CDH13: variants seen among roughly 807,000 people sequenced by gnomAD.
CDH13 encodes the protein cadherin-13.
Under a neutral mutation model 63.8 loss-of-function variants are expected in CDH13, and 24 were observed. That is an observed-to-expected ratio of 0.38 (90% CI 0.27 to 0.53). The LOEUF is 0.53. CDH13 is among the 20% of genes least tolerant of loss of function. CDH13 has a pLI of 0.85. For synonymous variants in CDH13, 503 were observed against 355.3 expected, an observed-to-expected ratio of 1.42 and a Z score of -4.67; for missense variants, 1,049 against 903.1, an observed-to-expected ratio of 1.16 and a Z score of -2.07.
chr16:83,695,732 T>C (rs187895213), intron 10 of CDH13, among the ~76,000 whole-genome samples: 56 of 152,268 alleles, frequency 3.7e-4, no homozygotes, highest in Admixed American at 3.1e-3. Context: ...AGTAACTAAA[T>C]AGAAAGTCTA....
At chr16:83,429,379 C>T (rs2072018719) in intron 6 of CDH13, among the ~76,000 whole-genome samples, 1 of 152,058 alleles carries the variant, frequency 6.6e-6, no homozygotes, top group South Asian at 2.1e-4. Context: ...CTTTGATGAC[C>T]CATCTTTAAG....
intron 3 of CDH13, among the ~76,000 whole-genome samples, chr16:83,046,325 G>T (rs1339327634): frequency 6.6e-6 from 1 of 152,072 alleles, no homozygotes; most frequent in Non-Finnish European, 1.5e-5. Context: ...AACAAATATT[G>T]TATGTAGGCG....
intron 8 of CDH13, among the ~76,000 whole-genome samples, chr16:83,619,839 T>C (rs1909642150): frequency 6.6e-6 from 1 of 152,168 alleles, no homozygotes; most frequent in African/African-American, 2.4e-5. Flanking sequence ...AGTGTATCCT[T>C]AGGGGGAGAC....
intron 9 of CDH13, among the ~76,000 whole-genome samples, chr16:83,676,706 G>A (rs1008191638): frequency 1.3e-5 from 2 of 152,238 alleles, no homozygotes; most frequent in Non-Finnish European, 2.9e-5. Context: ...TGTTCTAGGT[G>A]AAGAGAGGAA....
chr16:83,024,266 C>G (rs1023188276), intron 2 of CDH13, among the ~76,000 whole-genome samples: 1 of 152,002 alleles, frequency 6.6e-6, no homozygotes, highest in African/African-American at 2.4e-5. Context: ...GAATTTGGCT[C>G]TTTAGATTTA....
At chr16:82,649,702 G>C (rs1171616064) in intron 1 of CDH13, among the ~76,000 whole-genome samples, 1 of 152,128 alleles carries the variant, frequency 6.6e-6, no homozygotes. Context: ...AAATGATGGG[G>C]AAGGGAGAGG....
chr16:83,467,624 G>GAA (rs2073349616), intron 6 of CDH13, among the ~76,000 whole-genome samples: 1 of 152,070 alleles, frequency 6.6e-6, no homozygotes, highest in South Asian at 2.1e-4. Flanking sequence ...ACTTTCTTTG[G>GAA]GCACGAGACA....
At chr16:83,294,949 C>G (rs906542192) in intron 5 of CDH13, among the ~76,000 whole-genome samples, 5 of 152,194 alleles carry the variant, frequency 3.3e-5, no homozygotes, top group Admixed American at 2.6e-4. Context: ...GAGAACAAAG[C>G]TGTAGGTATC....
chr16:83,136,816 T>G (rs146256619), intron 4 of CDH13, among the ~76,000 whole-genome samples: 33 of 152,268 alleles, frequency 2.2e-4, no homozygotes, highest in African/African-American at 7.5e-4. Context: ...AGGAGTGGTC[T>G]GAGATTCCAA....
intron 6 of CDH13, among the ~76,000 whole-genome samples, chr16:83,452,765 G>A (rs1166440020): frequency 1.3e-5 from 2 of 152,202 alleles, no homozygotes; most frequent in Non-Finnish European, 2.9e-5. Context: ...AAGAAATAAT[G>A]TATGTGTTTG....
At chr16:82,647,056 C>T (rs1167081775) in intron 1 of CDH13, among the ~76,000 whole-genome samples, 2 of 152,078 alleles carry the variant, frequency 1.3e-5, no homozygotes, top group Non-Finnish European at 1.5e-5. Context: ...CAGTTAAGAG[C>T]CCAGGCCTCG....
At chr16:83,159,737 G>A (rs768459882) in intron 4 of CDH13, among the ~76,000 whole-genome samples, 3 of 152,132 alleles carry the variant, frequency 2.0e-5, no homozygotes, top group Non-Finnish European at 2.9e-5. Context: ...CGCCTGTCAA[G>A]CATATAAAAC....
At chr16:83,420,604 G>T (rs929341019) in intron 6 of CDH13, among the ~76,000 whole-genome samples, 3 of 152,164 alleles carry the variant, frequency 2.0e-5, no homozygotes, top group African/African-American at 7.2e-5. Context: ...TTACGGTTCT[G>T]CAGAGGGACA....
chr16:83,295,167 C>A (rs1256247017), intron 5 of CDH13, among the ~76,000 whole-genome samples: 2 of 152,048 alleles, frequency 1.3e-5, no homozygotes, highest in Non-Finnish European at 2.9e-5. Context: ...TGGGAAACCG[C>A]ATATCCATAT....
chr16:82,771,999 G>C (rs62034526), intron 1 of CDH13, among the ~76,000 whole-genome samples: 7,800 of 152,294 alleles, frequency 0.051, 248 homozygotes, highest in Middle Eastern at 0.12. Flanking sequence ...CAAGTTGTCA[G>C]ATGCTTCTGT....
At chr16:83,140,748 C>A (rs796834321) in intron 4 of CDH13, among the ~76,000 whole-genome samples, 1 of 152,206 alleles carries the variant, frequency 6.6e-6, no homozygotes, top group South Asian at 2.1e-4. Context: ...AGCCGCTGCA[C>A]CCGGCCGATC....
chr16:83,111,469 G>A (rs2035055551), intron 3 of CDH13, among the ~76,000 whole-genome samples: 1 of 152,202 alleles, frequency 6.6e-6, no homozygotes, highest in Non-Finnish European at 1.5e-5. Context: ...CTGAGTGAAA[G>A]CATGATGTGT....
chr16:82,772,221 A>G (rs1238639751), intron 1 of CDH13, among the ~76,000 whole-genome samples: 1 of 152,134 alleles, frequency 6.6e-6, no homozygotes, highest in Non-Finnish European at 1.5e-5. Context: ...AACATTACAA[A>G]TTAGGGCTCC....
chr16:82,639,215 G>C (rs528336401), intron 1 of CDH13: 310 of 486,982 alleles, frequency 6.4e-4, no homozygotes, highest in Non-Finnish European at 9.0e-4. Context: ...TAGCTGCCTG[G>C]GATGACTACT....
Sources: gnomAD v4.1 joint callset for allele counts (sites outside exome capture counted in the v4.1 genomes callset) on GRCh38, gnomAD v4.1.1 for gene constraint, MANE v1.5 for transcripts, NCBI Gene and HGNC (gene_info 2026-07-23, HGNC 2026-07-21) for gene names.